Variants in USP22 observed in about 807,000 individuals in gnomAD.
USP22 encodes ubiquitin specific peptidase 22.
In USP22, 22 loss-of-function variants were observed where a neutral mutation model predicts 68.1. The ratio of observed to expected loss-of-function variants is 0.32; its 90% CI spans 0.23 to 0.46. The LOEUF (loss-of-function observed/expected upper bound fraction) is 0.46, where lower values mean the gene tolerates loss of function less well. USP22 is among the 20% of genes least tolerant of loss of function. The pLI is 1.00. For missense variants in USP22, 433 were observed against 695.8 expected (o/e 0.62, Z 4.25); for synonymous variants, 279 against 274.2 (o/e 1.02, Z -0.17).
chr17:21,015,466 G>A (rs1914101981), intron 6 of USP22, among the ~76,000 whole-genome samples: 1 of 152,068 alleles, frequency 6.6e-6, no homozygotes, highest in Admixed American at 6.5e-5. Flanking sequence ...CAAAGCACAG[G>A]CCCAAGAGGG....
chr17:21,013,195 C>A (rs1447552603), intron 6 of USP22, among the ~76,000 whole-genome samples: 2 of 152,196 alleles, frequency 1.3e-5, no homozygotes, highest in African/African-American at 4.8e-5. Flanking sequence ...AGAAAACCCA[C>A]CTAATGCCCA....
rs1188178784 is a variant in USP22, at chr17:21,042,830, C to T, written c.6G>A (p.Val2=). The stretch of plus-strand genomic sequence containing the variant: ...CCTCGCCCTCGGGCTCTGGCCGGGA[C>T]ACCATGGGGGGCAAGGCCCGGCCGC... M[V]SRPEPEGEAM... is the part of the protein sequence containing the mutation. The change falls in exon 1 of 13, where the codon GTG becomes GTA. Residue 2 remains valine (V), a synonymous_variant. Coordinates refer to ENST00000261497, the MANE Select transcript of USP22 (RefSeq NM_015276.2). 1.5e-6 allele frequency: 2 copies of T among 1,378,768 alleles called. No homozygotes were observed. Among genetic ancestry groups the T allele is most frequent in the Admixed American group, 2.9e-5 (1 of 34,972 alleles). 85.4% of individuals were successfully genotyped at this position (1,378,768 alleles called of 1,614,324 possible).
intron 2 of USP22, 77 bp downstream of exon 2, chr17:21,028,465 G>A (rs1972249279): frequency 6.3e-7 from 1 of 1,576,974 alleles, no homozygotes; most frequent in Non-Finnish European, 8.6e-7. Context: ...TTGGAAGAGT[G>A]GAACTGCAAA....
intron 2 of USP22, 40 bp downstream of exon 2, chr17:21,028,502 G>A: frequency 6.2e-7 from 1 of 1,600,746 alleles, no homozygotes; most frequent in Non-Finnish European, 8.5e-7. Context: ...TAGCAATTTG[G>A]GGGCCACAAC....
In USP22 at chr17:21,004,778, TGCGGGCAGCCAATAGTGGAG is replaced by T; in HGVS notation, c.1385+130_1385+149del. The T allele has an allele frequency of 2.8e-4, 24 of 86,514 alleles. 1 individual carries two copies. The highest frequency in any genetic ancestry group is 1.4e-3 in the South Asian group (3 of 2,096). 5.4% of individuals were successfully genotyped at this position (86,514 alleles called of 1,614,324 possible). A position where few individuals can be genotyped will look rare whatever the true frequency, so the allele number is the denominator to read the frequency against. The stretch of plus-strand genomic sequence containing the variant: ...GTGGAGCGGCCTTTCCTAGTGGAGC[TGCGGGCAGCCAATAGTGGAG>T]CTGCGGGCAGCCAAGCGGGAAGCAG... On this transcript the variant is annotated intron_variant, in intron 11 of 12. Transcript: ENST00000261497.
intron 5 of USP22, among the ~76,000 whole-genome samples, chr17:21,017,149 A>ATAGCCTCT (rs1972092935): frequency 6.6e-6 from 1 of 152,190 alleles, no homozygotes; most frequent in Non-Finnish European, 1.5e-5. Context: ...TGCAGGTTGG[A>ATAGCCTCT]TAGCCTCTGT....
rs774869359 is a variant in USP22, at chr17:21,012,877, C to T, written c.897G>A (p.Gln299=). 7.9e-5 allele frequency: 127 copies of T among 1,613,906 alleles called. 2 individuals carry two copies. The change falls in exon 7 of 13, where the codon CAG becomes CAA. Residue 299 remains glutamine, a synonymous_variant. Coordinates refer to ENST00000261497, the MANE Select transcript of USP22 (RefSeq NM_015276.2). ...NPNHCNCIID[Q]IFTGGLQSDV... Reference sequence around the variant, plus strand: ...CTGACTGCAACCCGCCTGTGAAGATCTGGTCTATGATGCAGTTGCAGTGGT... The same window carrying T: ...CTGACTGCAACCCGCCTGTGAAGATTTGGTCTATGATGCAGTTGCAGTGGT...
At chr17:21,033,799 A>C (rs939444489) in intron 1 of USP22, among the ~76,000 whole-genome samples, 16 of 150,660 alleles carry the variant, frequency 1.1e-4, no homozygotes, top group Non-Finnish European at 1.9e-4. Flanking sequence ...ACCAGGCTGG[A>C]GTGCAGTGGC....
intron 10 of USP22, 55 bp from the exon 11 acceptor site, chr17:21,005,045 A>T (rs1913737712): frequency 1.3e-6 from 2 of 1,597,094 alleles, no homozygotes; most frequent in Non-Finnish European, 1.7e-6. Flanking sequence ...GCCCAGAGAC[A>T]CAAGGCTCTC....
intron 1 of USP22, among the ~76,000 whole-genome samples, chr17:21,030,221 CAA>C (rs1567592078): frequency 6.6e-6 from 1 of 152,154 alleles, no homozygotes; most frequent in Non-Finnish European, 1.5e-5. Flanking sequence ...AGATGCTATG[CAA>C]ACAGTGGTTA....
intron 2 of USP22, among the ~76,000 whole-genome samples, chr17:21,021,685 C>T (rs1972158226): frequency 6.6e-6 from 1 of 152,190 alleles, no homozygotes; most frequent in Non-Finnish European, 1.5e-5. Flanking sequence ...GCATTTGCTA[C>T]TCTTACCTTA....
In USP22 at chr17:21,004,501, T is replaced by G. The variant is rs374157427; in HGVS notation, c.1386-150A>C. 8.9e-4 allele frequency: 905 copies of G among 1,012,710 alleles called. 10 individuals are homozygous for G. The South Asian group carries it at 0.01, about 11-fold the overall frequency. The allele number at this position is 1,012,710 out of a possible 1,614,324, so 62.7% of individuals were successfully genotyped here. On this transcript the variant is annotated intron_variant, in intron 11 of 12. Transcript: ENST00000261497. ...GGCCTCAGGCTGATGCACAGGAGGC[T>G]GCAGGAACTAAGGGAGCCTGGTCAC...
chr17:21,030,552 T>C (rs888690931), intron 1 of USP22, among the ~76,000 whole-genome samples: 5 of 152,178 alleles, frequency 3.3e-5, no homozygotes, highest in African/African-American at 1.2e-4. Flanking sequence ...TAACCAAACT[T>C]ATCCCCACCA....
At chr17:21,034,591 G>A (rs1238865521) in intron 1 of USP22, among the ~76,000 whole-genome samples, 1 of 152,186 alleles carries the variant, frequency 6.6e-6, no homozygotes, top group Non-Finnish European at 1.5e-5. Context: ...TCTGTCCCAT[G>A]ACCATCCCTT....
chr17:21,035,520 A>G (rs1972342542), intron 1 of USP22, among the ~76,000 whole-genome samples: 1 of 151,784 alleles, frequency 6.6e-6, no homozygotes, highest in Admixed American at 6.6e-5. Context: ...TAGGACAAAA[A>G]AAAAACAAAC....
chr17:21,010,268 C>A (rs1441495198), intron 8 of USP22, among the ~76,000 whole-genome samples: 1 of 152,226 alleles, frequency 6.6e-6, no homozygotes, highest in East Asian at 1.9e-4. Flanking sequence ...AACAAGGACT[C>A]TTCTGCATTA....
upstream of USP22, chr17:21,043,017 C>G (rs541581226): frequency 6.6e-5 from 21 of 319,048 alleles, no homozygotes; most frequent in Admixed American, 1.1e-3. Flanking sequence ...GCAAGGCAGG[C>G]ACCGCCCCCG....
chr17:21,018,876 C>A (rs901556789), intron 4 of USP22, among the ~76,000 whole-genome samples: 4 of 152,340 alleles, frequency 2.6e-5, no homozygotes, highest in Non-Finnish European at 4.4e-5. Flanking sequence ...GAGGGCAGGG[C>A]TGTTGCTACG....
intron 1 of USP22, among the ~76,000 whole-genome samples, chr17:21,036,900 C>CATTA (rs1972365356): frequency 6.6e-6 from 1 of 152,190 alleles, no homozygotes; most frequent in Non-Finnish European, 1.5e-5. Flanking sequence ...ATCTTGAGAT[C>CATTA]TAATTCCATT....
Sources: allele counts gnomAD v4.1 joint callset (sites outside exome capture counted in the v4.1 genomes callset), GRCh38; gene constraint gnomAD v4.1.1; transcripts MANE v1.5; gene names NCBI Gene and HGNC (gene_info 2026-07-23, HGNC 2026-07-21).